The following FAM228B variants were observed in gnomAD, a reference collection of about 807,000 sequenced individuals.
The protein encoded by FAM228B is family with sequence similarity 228 member B, also known as protein FAM228B.
A neutral mutation model predicts 42.6 loss-of-function variants in FAM228B; 38 were observed. That is an observed-to-expected ratio of 0.89 (90% CI 0.69 to 1.17). FAM228B has a LOEUF of 1.17. Ranked by LOEUF, FAM228B falls within the 50% of genes most tolerant of loss-of-function variation. FAM228B has a pLI of 0.00. For synonymous variants in FAM228B, 109 were observed against 122.3 expected (o/e 0.89, Z 0.72); for missense variants, 344 against 367.3 (o/e 0.94, Z 0.52).
chr2:24,125,854 C>G (rs1336576281), intron 2 of FAM228B, among the ~76,000 whole-genome samples: 1 of 152,160 alleles, frequency 6.6e-6, no homozygotes. Context: ...TGAGCCACTG[C>G]GCCCAGCCTG....
chr2:24,156,127 G>T (rs146146682), intron 7 of FAM228B, among the ~76,000 whole-genome samples: 1 of 152,068 alleles, frequency 6.6e-6, no homozygotes, highest in Non-Finnish European at 1.5e-5. Flanking sequence ...TCTGTGTTCC[G>T]GTCACAAATA....
chr2:24,079,346 C>G (rs368342702), intron 1 of FAM228B: 20 of 1,339,208 alleles, frequency 1.5e-5, no homozygotes, highest in Middle Eastern at 1.9e-4. Flanking sequence ...AGAAACTAAC[C>G]TCCGTAATCT....
intron 3 of FAM228B, among the ~76,000 whole-genome samples, chr2:24,105,972 A>C (rs1297782436): frequency 2.6e-5 from 4 of 152,220 alleles, no homozygotes; most frequent in Non-Finnish European, 5.9e-5. Context: ...TTATGTAATG[A>C]GATCAAATCT....
At chr2:24,109,354 C>T (rs1665752267) in intron 3 of FAM228B, among the ~76,000 whole-genome samples, 1 of 152,060 alleles carries the variant, frequency 6.6e-6, no homozygotes, top group African/African-American at 2.4e-5. Context: ...TGGAAGATAA[C>T]CTAGGACATG....
intron 7 of FAM228B, among the ~76,000 whole-genome samples, chr2:24,151,538 C>T (rs551237945): frequency 2.6e-5 from 4 of 151,724 alleles, no homozygotes; most frequent in Non-Finnish European, 4.4e-5. Context: ...GTGATCCACC[C>T]GCCTTGGCCT....
intron 5 of FAM228B, among the ~76,000 whole-genome samples, chr2:24,141,999 G>A (rs1021830264): frequency 2.0e-5 from 3 of 152,110 alleles, no homozygotes; most frequent in Non-Finnish European, 2.9e-5. Flanking sequence ...GGTAATCCAT[G>A]TCTTCAGATC....
chr2:24,098,342 G>C (rs1465388541), intron 3 of FAM228B, among the ~76,000 whole-genome samples: 3 of 152,142 alleles, frequency 2.0e-5, no homozygotes, highest in Non-Finnish European at 4.4e-5. Context: ...AAGGAGTCCA[G>C]GAGCTGGTTT....
chr2:24,157,358 A>G (rs1025014934), intron 7 of FAM228B, among the ~76,000 whole-genome samples: 6 of 152,192 alleles, frequency 3.9e-5, no homozygotes, highest in African/African-American at 1.2e-4. Context: ...GGTAGGTACT[A>G]TTACACAGAT....
chr2:24,130,016 T>C lies in FAM228B; in HGVS notation c.100-5103T>C, dbSNP rs1287191961. Among the ~76,000 whole-genome samples, 4 of 152,170 alleles carry C rather than the reference T, an allele frequency of 2.6e-5. 1 individual carries two copies. Among genetic ancestry groups the C allele is most frequent in the Non-Finnish European group, 4.4e-5 (3 of 68,032 alleles). On this transcript the variant is annotated intron_variant, in intron 2 of 10. Transcript: ENST00000615575. ...TGTGTTGTTCCCCTCCCTGGGTCCA[T>C]GTGTTCTCATTGTTCAGCTCCCAGT... is the stretch of plus-strand genomic sequence containing the variant.
At chr2:24,129,743 A>G (rs184430437) in intron 2 of FAM228B, among the ~76,000 whole-genome samples, 268 of 152,308 alleles carry the variant, frequency 1.8e-3, no homozygotes, top group African/African-American at 6.3e-3. Context: ...CATAGCTATC[A>G]TAACTGTCCT....
At chr2:24,081,707 G>A (rs1421063217) in intron 2 of FAM228B, among the ~76,000 whole-genome samples, 2 of 71,682 alleles carry the variant, frequency 2.8e-5, no homozygotes, top group East Asian at 8.6e-4. Context: ...TTTTTTTTTT[G>A]AGACGGAGTC....
At chr2:24,149,340 C>A (rs1461448085) in intron 7 of FAM228B, among the ~76,000 whole-genome samples, 3 of 152,208 alleles carry the variant, frequency 2.0e-5, no homozygotes. Context: ...ACATTCCCAC[C>A]AACAGTGTGC....
Position 24,111,092 on chromosome 2 carries a change from G to A in FAM228B, c.-121+15863G>A, listed in dbSNP as rs530193729. Among the ~76,000 whole-genome samples the A allele has an allele frequency of 7.3e-5, 11 of 151,168 alleles. No individual in the cohort carries two copies. In the South Asian group the frequency reaches 2.3e-3, roughly 32 times the overall value. ...CTTTTTTTTTTTGAAACAGAGTCTCGCCGTGTCACCTAGGCTAGAATATAG... is the reference window on the plus strand; with the variant it reads ...CTTTTTTTTTTTGAAACAGAGTCTCACCGTGTCACCTAGGCTAGAATATAG... On this transcript the variant is annotated intron_variant, in intron 3 of 10. Coordinates refer to the FAM228B transcript ENST00000613899.
chr2:24,078,878 ATC>A (rs1463469257), intron 1 of FAM228B: 1 of 138,150 alleles, frequency 7.2e-6, no homozygotes, highest in Non-Finnish European at 1.7e-5. Context: ...GGAGCATATA[ATC>A]TTTTTTTTTT....
chr2:24,155,617 T>G (rs1007024231), intron 7 of FAM228B, among the ~76,000 whole-genome samples: 3 of 142,506 alleles, frequency 2.1e-5, no homozygotes, highest in African/African-American at 7.9e-5. Context: ...CTTGGCTCAC[T>G]GCAACCTCTG....
chr2:24,086,212 A>G (rs57317059), intron 2 of FAM228B, among the ~76,000 whole-genome samples: 15,151 of 144,122 alleles, frequency 0.11, 926 homozygotes, highest in South Asian at 0.16. Context: ...TCCAGCCTGG[A>G]CGACAGAGTG....
chr2:24,136,249 C>T (rs1449069283), intron 3 of FAM228B, among the ~76,000 whole-genome samples: 1 of 151,098 alleles, frequency 6.6e-6, no homozygotes, highest in Non-Finnish European at 1.5e-5. Flanking sequence ...TTTTTTGAAA[C>T]GGAGTCTTAC....
intron 3 of FAM228B, chr2:24,115,518 T>G: frequency 6.9e-7 from 1 of 1,440,938 alleles, no homozygotes; most frequent in African/African-American, 1.4e-5. Context: ...ATAAAATATT[T>G]TTTCTTTAGG....
chr2:24,143,211 C>G lies in FAM228B; in HGVS notation c.442-3537C>G, dbSNP rs953143835. Among the ~76,000 whole-genome samples, 7 of 151,844 alleles carry G rather than the reference C, an allele frequency of 4.6e-5. 1 individual carries two copies. Among genetic ancestry groups the G allele is most frequent in the Non-Finnish European group, 1.0e-4 (7 of 67,962 alleles). Reference sequence around the variant, plus strand: ...TGTTTTTGTTTTTGAGACAGAGTCTCGCTCTGTCACCCAGGCTGGAGTGCA... The same window carrying G: ...TGTTTTTGTTTTTGAGACAGAGTCTGGCTCTGTCACCCAGGCTGGAGTGCA... On this transcript the variant is annotated intron_variant, in intron 5 of 10. Transcript: ENST00000615575.
Sources: allele counts gnomAD v4.1 joint callset (sites outside exome capture counted in the v4.1 genomes callset), GRCh38; gene constraint gnomAD v4.1.1; transcripts MANE v1.5; gene names NCBI Gene and HGNC (gene_info 2026-07-23, HGNC 2026-07-21).